The following CTNNA1 variants were observed in gnomAD, a reference collection of about 807,000 sequenced individuals.
The protein encoded by CTNNA1 is catenin alpha-1.
A neutral mutation model predicts 98.4 loss-of-function variants in CTNNA1; 37 were observed. The observed-to-expected ratio is 0.38, with a 90% confidence interval of 0.29 to 0.49. The LOEUF is 0.49. Ranked by LOEUF, CTNNA1 falls within the 20% of genes least tolerant of loss-of-function variation. The pLI is 0.95. For missense variants in CTNNA1, 761 were observed against 1,147.2 expected, an observed-to-expected ratio of 0.66 and a Z score of 4.86; for synonymous variants, 404 against 413.2, an observed-to-expected ratio of 0.98 and a Z score of 0.27.
chr5:138,910,395 T>C (rs1760347582), intron 10 of CTNNA1, among the ~76,000 whole-genome samples: 1 of 151,924 alleles, frequency 6.6e-6, no homozygotes, highest in South Asian at 2.1e-4. Context: ...GTTTCTTTAA[T>C]AGACAGGGAT....
At chr5:138,910,912 G>C (rs1429341551) in intron 10 of CTNNA1, among the ~76,000 whole-genome samples, 1 of 152,170 alleles carries the variant, frequency 6.6e-6, no homozygotes, top group African/African-American at 2.4e-5. Flanking sequence ...GAAGGGTTTT[G>C]AGTAGAAGAG....
intron 7 of CTNNA1, among the ~76,000 whole-genome samples, chr5:138,863,341 T>C (rs1337252811): frequency 6.6e-6 from 1 of 152,170 alleles, no homozygotes; most frequent in Non-Finnish European, 1.5e-5. Flanking sequence ...GCTCAGGTGA[T>C]CTTCCTACTT....
At chr5:138,764,147 T>G (rs1172501782) in intron 1 of CTNNA1, among the ~76,000 whole-genome samples, 2 of 152,110 alleles carry the variant, frequency 1.3e-5, no homozygotes, top group Non-Finnish European at 2.9e-5. Context: ...ATTGTGCCAT[T>G]GCACTCCAGC....
At chr5:138,770,700 C>G (rs1753447707) in intron 1 of CTNNA1, among the ~76,000 whole-genome samples, 2 of 152,148 alleles carry the variant, frequency 1.3e-5, no homozygotes, top group Admixed American at 1.3e-4. Context: ...TGCCTTTAAT[C>G]CCAGCACTTT....
chr5:138,793,531 T>A (rs757136463), intron 3 of CTNNA1, among the ~76,000 whole-genome samples: 1 of 152,242 alleles, frequency 6.6e-6, no homozygotes, highest in Non-Finnish European at 1.5e-5. Flanking sequence ...ATAATAATAT[T>A]TATGAGTTAC....
At chr5:138,813,290 A>G (rs1195811499) in intron 5 of CTNNA1, among the ~76,000 whole-genome samples, 1 of 152,228 alleles carries the variant, frequency 6.6e-6, no homozygotes, top group Non-Finnish European at 1.5e-5. Context: ...AGTGAGAACA[A>G]AAAGGACTGT....
At chr5:138,776,314 A>G (rs1053630259) in intron 1 of CTNNA1, among the ~76,000 whole-genome samples, 5 of 151,438 alleles carry the variant, frequency 3.3e-5, no homozygotes, top group Non-Finnish European at 5.9e-5. Context: ...AATCCATTCA[A>G]CCCTGAGTGG....
chr5:138,777,171 T>A (rs1271070064), intron 1 of CTNNA1, among the ~76,000 whole-genome samples: 3 of 151,664 alleles, frequency 2.0e-5, no homozygotes, highest in African/African-American at 4.9e-5. Context: ...GCTCCTCACC[T>A]CCCAGACGGG....
chr5:138,883,528 CTG>C (rs1210041847), intron 7 of CTNNA1, among the ~76,000 whole-genome samples: 2 of 152,154 alleles, frequency 1.3e-5, no homozygotes, highest in African/African-American at 4.8e-5. Context: ...TGCTGTGTGA[CTG>C]TAATTCTTTC....
intron 9 of CTNNA1, 116 bp from the exon 10 acceptor site, chr5:138,904,233 C>A: frequency 7.8e-7 from 1 of 1,282,752 alleles, no homozygotes; most frequent in Non-Finnish European, 1.0e-6. Flanking sequence ...AGAAGGGAGG[C>A]ACCCTTGGTG....
intron 7 of CTNNA1, among the ~76,000 whole-genome samples, chr5:138,866,329 T>TA (rs1764785864): frequency 6.7e-6 from 1 of 150,294 alleles, no homozygotes; most frequent in Non-Finnish European, 1.5e-5. Flanking sequence ...TTTATTTATT[T>TA]TGGTACAAAT....
intron 13 of CTNNA1, among the ~76,000 whole-genome samples, chr5:138,928,135 CGA>C (rs1196369888): frequency 6.6e-6 from 1 of 152,154 alleles, no homozygotes; most frequent in African/African-American, 2.4e-5. Context: ...GGTACACAGA[CGA>C]GAGACTCGCC....
intron 5 of CTNNA1, among the ~76,000 whole-genome samples, chr5:138,817,193 G>A (rs571087971): frequency 6.6e-6 from 1 of 152,178 alleles, no homozygotes; most frequent in South Asian, 2.1e-4. Context: ...ATATAATTCC[G>A]TTTGTCTGTT....
chr5:138,837,538 C>T lies in CTNNA1; in HGVS notation c.1062+9820C>T, dbSNP rs1042512865. 3.1e-5 allele frequency among the ~76,000 whole-genome samples: 4 copies of T among 129,430 alleles called. No individual in the cohort carries two copies. In the East Asian group the frequency reaches 1.0e-3, roughly 34 times the overall value. The allele number at this position is 129,430 out of a possible 152,430, so 84.9% of individuals were successfully genotyped here. On this transcript the variant is annotated intron_variant, in intron 7 of 17. Coordinates refer to ENST00000302763, the MANE Select transcript of CTNNA1 (RefSeq NM_001903.5). Reference sequence around the variant, plus strand: ...TCCCTCCCCTCCCTCTCCTCCCCCCCCTTTCCCCACTCCTCCGTCTTCTCT... The same window carrying T: ...TCCCTCCCCTCCCTCTCCTCCCCCCTCTTTCCCCACTCCTCCGTCTTCTCT...
intron 7 of CTNNA1, among the ~76,000 whole-genome samples, chr5:138,852,871 G>GCGCACACACACACACGCGCGCGCA (rs869240008): frequency 1.6e-4 from 24 of 151,358 alleles, no homozygotes; most frequent in East Asian, 1.6e-3. Flanking sequence ...GCGCGCGCGC[G>GCGCACACACACACACGCGCGCGCA]CACACACACA....
intron 7 of CTNNA1, among the ~76,000 whole-genome samples, chr5:138,882,438 AAGG>A (rs1753116398): frequency 6.6e-6 from 1 of 152,172 alleles, no homozygotes; most frequent in Non-Finnish European, 1.5e-5. Context: ...TGTGTAGAAG[AAGG>A]AGAAAAGAAA....
intron 1 of CTNNA1, among the ~76,000 whole-genome samples, chr5:138,762,741 C>T (rs700621): frequency 0.65 from 98,992 of 151,702 alleles, 33,017 homozygotes; most frequent in East Asian, 0.93. Context: ...AACATTTGCT[C>T]ATTTTGAACA....
At position 138,827,504 on chromosome 5, in the gene CTNNA1, T is replaced by A; in HGVS notation, c.859-11T>A. 6.2e-7 allele frequency: 1 copy of A among 1,614,004 alleles called. No homozygotes were observed. The highest frequency in any genetic ancestry group is 1.1e-5 in the South Asian group (1 of 91,076). ...GATGAGTACTAACATTCGGTAATAC[T>A]TTCTCTGCAGAAACAAATCATTGTG... is the stretch of plus-strand genomic sequence containing the variant. On this transcript the variant is annotated splice_polypyrimidine_tract_variant and intron_variant, in intron 6 of 17. Transcript: ENST00000302763.
chr5:138,907,977 T>TTTCTTC (rs1236525088), intron 10 of CTNNA1, among the ~76,000 whole-genome samples: 2 of 151,648 alleles, frequency 1.3e-5, no homozygotes, highest in Admixed American at 1.3e-4. Context: ...CCCTTTTTTT[T>TTTCTTC]TTCTTCTTCT....
Sources: allele counts gnomAD v4.1 joint callset (sites outside exome capture counted in the v4.1 genomes callset), GRCh38; gene constraint gnomAD v4.1.1; transcripts MANE v1.5; gene names NCBI Gene and HGNC (gene_info 2026-07-23, HGNC 2026-07-21).